The following DNMT3A variants were observed in gnomAD, a reference collection of about 807,000 sequenced individuals.
The protein encoded by DNMT3A is DNA (cytosine-5)-methyltransferase 3A.
DNMT3A carries 267 observed loss-of-function variants against 117.6 expected under a neutral mutation model. The observed-to-expected ratio is 2.27, with a 90% CI of 2.05 to 2.51. DNMT3A has a LOEUF of 2.51. DNMT3A is among the 30% of genes most tolerant of loss of function. DNMT3A has a pLI of 0.00. For synonymous variants in DNMT3A, 432 were observed against 474.8 expected, an observed-to-expected ratio of 0.91 and a Z score of 1.17; for missense variants, 1,029 against 1,260.2, an observed-to-expected ratio of 0.82 and a Z score of 2.78.
At position 25,306,485 on chromosome 2, in the gene DNMT3A, T is replaced by C. The variant is rs1375660229; in HGVS notation, c.73-6242A>G. ...CCTGGAGGGGAGGGGCCGTGTCTCA[T>C]TGGCGCCTCTGAGTCCCCCACAGCT... On this transcript the variant is annotated intron_variant, in intron 2 of 22. Transcript: ENST00000321117. This position sits in a 1 kb window ranked among gnomAD's most constrained non-coding sequence, Gnocchi z 4.1. Among the ~76,000 whole-genome samples the C allele has an allele frequency of 1.3e-5, 2 of 152,220 alleles. No homozygotes were observed. The highest frequency in any genetic ancestry group is 6.5e-5 in the Admixed American group (1 of 15,278).
At chr2:25,279,518 T>G (rs777942171) in intron 4 of DNMT3A, among the ~76,000 whole-genome samples, 1 of 152,114 alleles carries the variant, frequency 6.6e-6, no homozygotes, top group East Asian at 1.9e-4. Flanking sequence ...CGTTGCATAT[T>G]GGCAGAGCCT....
At chr2:25,259,323 A>G (rs1676416708) in intron 6 of DNMT3A, among the ~76,000 whole-genome samples, 1 of 152,202 alleles carries the variant, frequency 6.6e-6, no homozygotes, top group Admixed American at 6.5e-5. Flanking sequence ...GGAGAGTAGC[A>G]GTACCCCACT....
At chr2:25,309,272 G>C (rs1414206634) in intron 2 of DNMT3A, among the ~76,000 whole-genome samples, 1 of 152,236 alleles carries the variant, frequency 6.6e-6, no homozygotes, top group Non-Finnish European at 1.5e-5. Context: ...TCTGAAGAAA[G>C]GGAGGGAGGA....
At chr2:25,248,343 C>G in intron 6 of DNMT3A, 91 bp from the exon 7 acceptor site, 1 of 1,415,198 alleles carries the variant, frequency 7.1e-7, no homozygotes, top group East Asian at 2.4e-5. Flanking sequence ...TGTCAAAACC[C>G]GGAACAGTGA....
chr2:25,252,627 G>T lies in DNMT3A; in HGVS notation c.640-4375C>A, dbSNP rs1329175406. Reference sequence around the variant, plus strand: ...GAAGAGATTAGCGCGGGGCCGGGGGGCCGGGAGGGGAGGGAAGGGGCTGCT... The same window carrying T: ...GAAGAGATTAGCGCGGGGCCGGGGGTCCGGGAGGGGAGGGAAGGGGCTGCT... On this transcript the variant is annotated intron_variant, in intron 6 of 22. Coordinates refer to ENST00000321117, the MANE Select transcript of DNMT3A (RefSeq NM_022552.5). The surrounding 1 kb of genome is among the most constrained non-coding windows in gnomAD (Gnocchi z 5.5). 1.3e-5 allele frequency among the ~76,000 whole-genome samples: 2 copies of T among 151,842 alleles called. No individual in the cohort carries two copies. Among genetic ancestry groups the T allele is most frequent in the African/African-American group, 4.8e-5 (2 of 41,352 alleles).
At chr2:25,258,117 G>C (rs1676316165) in intron 6 of DNMT3A, among the ~76,000 whole-genome samples, 1 of 152,248 alleles carries the variant, frequency 6.6e-6, no homozygotes, top group African/African-American at 2.4e-5. Context: ...GCCCCCTGTG[G>C]TAGAATGTGG....
intron 1 of DNMT3A, among the ~76,000 whole-genome samples, chr2:25,333,321 T>TC (rs2035083242): frequency 6.0e-5 from 9 of 151,154 alleles, no homozygotes; most frequent in Non-Finnish European, 1.2e-4. Context: ...AGGCCACACT[T>TC]GCAGGTCTTT....
rs767725866 is a variant in DNMT3A, at chr2:25,281,892, T to C, written c.448+549A>G. The stretch of plus-strand genomic sequence containing the variant: ...GCCACTGTCACAACCAAATTTCCAG[T>C]TGAGTCAGCCCAACTAGGGTGGGCT... On this transcript the variant is annotated intron_variant, in intron 4 of 22. Coordinates refer to ENST00000321117, the MANE Select transcript of DNMT3A (RefSeq NM_022552.5). The surrounding 1 kb of genome is among the most constrained non-coding windows in gnomAD (Gnocchi z 4.8). 1.4e-5 allele frequency: 15 copies of C among 1,070,274 alleles called. No homozygotes were observed. The highest frequency in any genetic ancestry group is 1.5e-5 in the Non-Finnish European group (13 of 882,340). The allele number at this position is 1,070,274 out of a possible 1,614,324, so 66.3% of individuals were successfully genotyped here. A position where few individuals can be genotyped will look rare whatever the true frequency, so the allele number is the denominator to read the frequency against.
Position 25,234,504 on chromosome 2 carries a change from C to T in DNMT3A, c.2598-84G>A, listed in dbSNP as rs922018999. 4.2e-5 allele frequency: 62 copies of T among 1,480,772 alleles called. No individual in the cohort carries two copies. Among genetic ancestry groups the T allele is most frequent in the Middle Eastern group, 1.9e-4 (1 of 5,324 alleles). 91.7% of individuals were successfully genotyped at this position (1,480,772 alleles called of 1,614,324 possible). On this transcript the variant is annotated intron_variant, in intron 22 of 22. Transcript: ENST00000321117. This position sits in a 1 kb window ranked among gnomAD's most constrained non-coding sequence, Gnocchi z 4.5. ...AGCCGTCTAACCACACAGCAGGACC[C>T]GGAGGACCAGCAGCCACCCGAAGTG... is the stretch of plus-strand genomic sequence containing the variant.
Position 25,234,496 on chromosome 2 carries a change from G to A in DNMT3A, c.2598-76C>T. The stretch of plus-strand genomic sequence containing the variant: ...TGCCCGGAAGCCGTCTAACCACACA[G>A]CAGGACCCGGAGGACCAGCAGCCAC... On this transcript the variant is annotated intron_variant, in intron 22 of 22. Coordinates refer to ENST00000321117, the MANE Select transcript of DNMT3A (RefSeq NM_022552.5). The surrounding 1 kb of genome is among the most constrained non-coding windows in gnomAD (Gnocchi z 4.5). 6.6e-7 allele frequency: 1 copy of A among 1,510,696 alleles called. No homozygotes were observed. The highest frequency in any genetic ancestry group is 2.4e-5 in the East Asian group (1 of 41,802). The allele number at this position is 1,510,696 out of a possible 1,614,324, so 93.6% of individuals were successfully genotyped here.
chr2:25,285,943 T>TA (rs34636567), intron 3 of DNMT3A, among the ~76,000 whole-genome samples: 76,811 of 152,000 alleles, frequency 0.51, 19,715 homozygotes, highest in Non-Finnish European at 0.53. Flanking sequence ...GGCACTACCA[T>TA]AGAGGTATGC....
rs1232276131 is a variant in DNMT3A at position 25,246,067 on chromosome 2, G to C, written c.1430-3C>G. 1.9e-6 allele frequency: 3 copies of C among 1,614,166 alleles called. No individual in the cohort carries two copies. Among genetic ancestry groups the C allele is most frequent in the Non-Finnish European group, 2.5e-6 (3 of 1,180,018 alleles). On this transcript the variant is annotated splice_region_variant and splice_polypyrimidine_tract_variant and intron_variant, in intron 11 of 22. Coordinates refer to ENST00000321117, the MANE Select transcript of DNMT3A (RefSeq NM_022552.5). ...CCGCACCTCGTACACCAGCCGCTCT[G>C]CAAGGGGAGGAGAGCTGGCGTCAGA...
In DNMT3A at chr2:25,297,507, GT is replaced by G. The variant is rs1184125497; in HGVS notation, c.177+2631del. On this transcript the variant is annotated intron_variant, in intron 3 of 22. Coordinates refer to ENST00000321117, the MANE Select transcript of DNMT3A (RefSeq NM_022552.5). ...TTTTTTACACAGCCAGCTCTGCATT[GT>G]TTTTTTTTTTTTTTTTTTTTGAGAC... Among the ~76,000 whole-genome samples the G allele has an allele frequency of 2.4e-3, 302 of 123,446 alleles. 2 individuals are homozygous for G. The highest frequency in any genetic ancestry group is 8.7e-3 in the Middle Eastern group (2 of 230). The allele number at this position is 123,446 out of a possible 152,430, so 81.0% of individuals were successfully genotyped here.
chr2:25,297,041 C>T (rs150045035), intron 3 of DNMT3A, among the ~76,000 whole-genome samples: 1 of 152,276 alleles, frequency 6.6e-6, no homozygotes, highest in East Asian at 1.9e-4. Flanking sequence ...CCCAGGGCCA[C>T]AGCTGCAACA....
rs1573293674 is a variant in DNMT3A, at chr2:25,234,859, G to A, written c.2598-439C>T. Among the ~76,000 whole-genome samples, 1 of 152,168 alleles carries A rather than the reference G, an allele frequency of 6.6e-6. No individual in the cohort carries two copies. Among genetic ancestry groups the A allele is most frequent in the African/African-American group, 2.4e-5 (1 of 41,442 alleles). On this transcript the variant is annotated intron_variant, in intron 22 of 22. Coordinates refer to ENST00000321117, the MANE Select transcript of DNMT3A (RefSeq NM_022552.5). This position sits in a 1 kb window ranked among gnomAD's most constrained non-coding sequence, Gnocchi z 4.5. ...TAGCATCCTCCCCATCAAGAGCAGG[G>A]AAGGCGAAAAAGGAGCCGAACTCCT...
rs2032339242 is a variant in DNMT3A at position 25,286,801 on chromosome 2, G to A, written c.178-4090C>T. On this transcript the variant is annotated intron_variant, in intron 3 of 22. Coordinates refer to ENST00000321117, the MANE Select transcript of DNMT3A (RefSeq NM_022552.5). This position sits in a 1 kb window ranked among gnomAD's most constrained non-coding sequence, Gnocchi z 4.3. ...GAAGGGCAGAAACCTCAGCCTGGAAGCCCAGGAGGGAGGGGCACCCCAGCC... is the reference window on the plus strand; with the variant it reads ...GAAGGGCAGAAACCTCAGCCTGGAAACCCAGGAGGGAGGGGCACCCCAGCC... 6.6e-6 allele frequency among the ~76,000 whole-genome samples: 1 copy of A among 152,228 alleles called. No homozygotes were observed. The highest frequency in any genetic ancestry group is 2.1e-4 in the South Asian group (1 of 4,834).
rs373549934 is a variant in DNMT3A at position 25,241,586 on chromosome 2, G to A, written c.2058C>T (p.Asp686=). Residue 686 remains aspartate, a synonymous_variant, in exon 17 of 23, where the codon GAC becomes GAT. Transcript: ENST00000321117. ...RHQGKIMYVG[D]VRSVTQKHIQ... ...CATGCTTCTGTGTGACGCTGCGGAC[G>A]TCCCCGACGTACATGATCTTCCCCT... The A allele has an allele frequency of 5.6e-6, 9 of 1,613,836 alleles. No individual in the cohort carries two copies. The highest frequency in any genetic ancestry group is 1.7e-5 in the Admixed American group (1 of 59,954).
chr2:25,332,521 C>G (rs2035052547), intron 1 of DNMT3A, among the ~76,000 whole-genome samples: 1 of 152,250 alleles, frequency 6.6e-6, no homozygotes, highest in Admixed American at 6.5e-5. Context: ...GTCTGGCACA[C>G]AGTAGGTCTC....
At position 25,329,710 on chromosome 2, in the gene DNMT3A, C is replaced by CAG. The variant is rs1553434016; in HGVS notation, c.-178+12115_-178+12116insCT. Among the ~76,000 whole-genome samples the CAG allele has an allele frequency of 8.8e-3, 1,314 of 149,734 alleles. 5 individuals are homozygous for CAG. The highest frequency in any genetic ancestry group is 0.014 in the Non-Finnish European group (942 of 67,130). The stretch of plus-strand genomic sequence containing the variant: ...ACACACACACACACACACACACACA[C>CAG]ACAGACACACAGATACAAACACACA... On this transcript the variant is annotated intron_variant, in intron 1 of 22. Coordinates refer to ENST00000321117, the MANE Select transcript of DNMT3A (RefSeq NM_022552.5).
Sources: allele counts gnomAD v4.1 joint callset (sites outside exome capture counted in the v4.1 genomes callset), GRCh38; gene constraint gnomAD v4.1.1; non-coding constraint Gnocchi (gnomAD v3.1); transcripts MANE v1.5; gene names NCBI Gene and HGNC (gene_info 2026-07-23, HGNC 2026-07-21).